The following SLIT3 variants were observed in gnomAD, a reference collection of about 807,000 sequenced individuals.
SLIT3 encodes slit guidance ligand 3.
In SLIT3, 68 loss-of-function variants were observed where a neutral mutation model predicts 184.0. The observed-to-expected ratio is 0.37, with a 90% confidence interval of 0.30 to 0.45. The LOEUF is 0.45. SLIT3 is among the 20% of genes least tolerant of loss of function. The pLI, the probability that SLIT3 is intolerant of heterozygous loss-of-function variation, is 1.00. For synonymous variants in SLIT3, 831 were observed against 828.6 expected (o/e 1.00, Z -0.05); for missense variants, 1,707 against 2,026.0 (o/e 0.84, Z 3.02).
intron 3 of SLIT3, among the ~76,000 whole-genome samples, chr5:169,233,404 CTTTTTTT>C (rs70979127): frequency 0.26 from 37,757 of 145,442 alleles, 5,512 homozygotes; most frequent in Non-Finnish European, 0.35. Flanking sequence ...TAGAAATTGT[CTTTTTTT>C]TTTTTTTTGG....
At chr5:168,840,990 G>C (rs1758225156) in intron 6 of SLIT3, among the ~76,000 whole-genome samples, 1 of 152,186 alleles carries the variant, frequency 6.6e-6, no homozygotes, top group South Asian at 2.1e-4. Context: ...TGGGTAAAGG[G>C]AATGGCAGGG....
At chr5:169,045,637 T>G (rs936883685) in intron 4 of SLIT3, among the ~76,000 whole-genome samples, 1 of 152,136 alleles carries the variant, frequency 6.6e-6, no homozygotes, top group Non-Finnish European at 1.5e-5. Flanking sequence ...AGTTTTTACA[T>G]CATTATCACA....
In SLIT3 at chr5:168,844,565, G is replaced by A. The variant is rs116035199; in HGVS notation, c.557+19C>T. The A allele has an allele frequency of 3.5e-3, 5,613 of 1,612,684 alleles. 18 individuals are homozygous for A. The highest frequency in any genetic ancestry group is 0.023 in the Middle Eastern group (139 of 6,060). On this transcript the variant is annotated intron_variant, in intron 6 of 35. Coordinates refer to ENST00000519560, the MANE Select transcript of SLIT3 (RefSeq NM_003062.4). The stretch of plus-strand genomic sequence containing the variant: ...CACATGCACGCACACACAAGGCAGC[G>A]ATCGCAAAATCAACTCACAGGATCT...
chr5:169,296,367 A>G (rs1370293392), intron 1 of SLIT3, among the ~76,000 whole-genome samples: 1 of 152,250 alleles, frequency 6.6e-6, no homozygotes, highest in Admixed American at 6.5e-5. Context: ...TTCTACTTTC[A>G]TGAAAATGAG....
At chr5:169,149,354 T>TTC (rs1554102363) in intron 4 of SLIT3, among the ~76,000 whole-genome samples, 1 of 151,882 alleles carries the variant, frequency 6.6e-6, no homozygotes, top group African/African-American at 2.4e-5. Flanking sequence ...TTTTTTTTTT[T>TTC]CAACTTGTGG....
chr5:168,750,578 G>A (rs1230236110), intron 18 of SLIT3, among the ~76,000 whole-genome samples: 1 of 152,162 alleles, frequency 6.6e-6, no homozygotes, highest in African/African-American at 2.4e-5. Context: ...ATGGGTCAGA[G>A]CTGGTTCCCT....
rs373505716 is a variant in SLIT3 at position 168,927,286 on chromosome 5, A to G, written c.414-43950T>C. On this transcript the variant is annotated intron_variant, in intron 4 of 35. Transcript: ENST00000519560. ...CCAGTCATAAAAAGACAAATACTGC[A>G]TGATTCCACTTACATGAGTACCTAG... Among the ~76,000 whole-genome samples the G allele has an allele frequency of 2.0e-5, 3 of 152,208 alleles. No homozygotes were observed. In the East Asian group the frequency reaches 5.8e-4, roughly 29 times the overall value.
At chr5:169,012,069 A>T (rs754254045) in intron 4 of SLIT3, 3 of 152,150 alleles carry the variant, frequency 2.0e-5, no homozygotes, top group Admixed American at 6.5e-5. Context: ...AGCAAATACA[A>T]ATGATAACTC....
At chr5:168,881,202 G>C (rs562855580) in intron 5 of SLIT3, among the ~76,000 whole-genome samples, 9 of 152,322 alleles carry the variant, frequency 5.9e-5, no homozygotes, top group Admixed American at 5.2e-4. Context: ...ATGGCTTAGA[G>C]GGTGGTCTGA....
intron 4 of SLIT3, among the ~76,000 whole-genome samples, chr5:168,920,039 G>T (rs1042913421): frequency 1.3e-5 from 2 of 152,124 alleles, no homozygotes; most frequent in Non-Finnish European, 2.9e-5. Flanking sequence ...TTTCTACTAC[G>T]TGGAAGTGAG....
chr5:168,761,243 G>A (rs1481494573), intron 15 of SLIT3, among the ~76,000 whole-genome samples: 1 of 152,088 alleles, frequency 6.6e-6, no homozygotes, highest in Non-Finnish European at 1.5e-5. Flanking sequence ...TTTTCATTTT[G>A]TGGACATACC....
Position 169,227,824 on chromosome 5 carries a change from C to A in SLIT3, c.341+16881G>T, listed in dbSNP as rs573611298. ...GCAGATGAGGAGATGAAGGCACTTG[C>A]CTAAATCTGCACAGCTGGCAGAGGA... On this transcript the variant is annotated intron_variant, in intron 3 of 35. Transcript: ENST00000519560. Among the ~76,000 whole-genome samples the A allele has an allele frequency of 5.3e-5, 8 of 152,340 alleles. No homozygotes were observed. The East Asian group carries it at 1.5e-3, about 29-fold the overall frequency.
intron 3 of SLIT3, among the ~76,000 whole-genome samples, chr5:169,200,774 C>G (rs1162516866): frequency 6.6e-6 from 1 of 152,208 alleles, no homozygotes; most frequent in Non-Finnish European, 1.5e-5. Context: ...GGTTTCCTCA[C>G]CTGTCTAACA....
At chr5:169,169,574 C>T (rs1031579291) in intron 4 of SLIT3, among the ~76,000 whole-genome samples, 5 of 152,180 alleles carry the variant, frequency 3.3e-5, no homozygotes, top group Admixed American at 3.3e-4. Flanking sequence ...TAGAAGTTTT[C>T]ATGGTTCCGA....
At chr5:169,014,882 C>T (rs1464545632) in intron 4 of SLIT3, among the ~76,000 whole-genome samples, 1 of 152,114 alleles carries the variant, frequency 6.6e-6, no homozygotes, top group Admixed American at 6.5e-5. Flanking sequence ...ACTCGGGAGG[C>T]AGAGGTTGCA....
chr5:168,970,195 C>T (rs1561581147), intron 4 of SLIT3, among the ~76,000 whole-genome samples: 1 of 147,634 alleles, frequency 6.8e-6, no homozygotes, highest in Admixed American at 6.8e-5. Context: ...AACAAACAAA[C>T]AAAAAACAGC....
At chr5:168,747,624 C>T (rs527304407) in intron 20 of SLIT3, among the ~76,000 whole-genome samples, 6 of 152,194 alleles carry the variant, frequency 3.9e-5, no homozygotes, top group African/African-American at 1.4e-4. Context: ...TCCTGGGGGG[C>T]AGAAATAGGA....
At chr5:169,006,605 T>TCACACACACA (rs372485234) in intron 4 of SLIT3, among the ~76,000 whole-genome samples, 2 of 145,794 alleles carry the variant, frequency 1.4e-5, no homozygotes, top group African/African-American at 5.1e-5. Context: ...TCTCTCTCTC[T>TCACACACACA]CACACACACA....
At chr5:169,015,061 C>T (rs17555002) in intron 4 of SLIT3, among the ~76,000 whole-genome samples, 253 of 151,720 alleles carry the variant, frequency 1.7e-3, no homozygotes, top group Non-Finnish European at 3.1e-3. Context: ...TTGATAAGGG[C>T]TATCCATCCA....
Sources: allele counts gnomAD v4.1 joint callset (sites outside exome capture counted in the v4.1 genomes callset), GRCh38; gene constraint gnomAD v4.1.1; transcripts MANE v1.5; gene names NCBI Gene and HGNC (gene_info 2026-07-23, HGNC 2026-07-21).